CFAP299: variants seen among roughly 807,000 people sequenced by gnomAD.
CFAP299 encodes cilia and flagella associated protein 299, also known as cilia- and flagella-associated protein 299.
Under a neutral mutation model 27.0 loss-of-function variants are expected in CFAP299, and 21 were observed. The ratio of observed to expected loss-of-function variants is 0.78; its 90% CI spans 0.55 to 1.12. The LOEUF (loss-of-function observed/expected upper bound fraction) is 1.12. Ranked by LOEUF, CFAP299 falls within the 50% of genes most tolerant of loss-of-function variation. The pLI, the probability that CFAP299 is intolerant of heterozygous loss-of-function variation, is 0.00. For missense variants in CFAP299, 310 were observed against 276.6 expected, an observed-to-expected ratio of 1.12 and a Z score of -0.86; for synonymous variants, 104 against 98.1, an observed-to-expected ratio of 1.06 and a Z score of -0.36.
chr4:80,958,228 T>C (rs1738165503), intron 5 of CFAP299, among the ~76,000 whole-genome samples: 1 of 152,172 alleles, frequency 6.6e-6, no homozygotes, highest in Non-Finnish European at 1.5e-5. Flanking sequence ...GTAGACCAGA[T>C]TGTACAGAAG....
chr4:80,716,340 T>C (rs1722477959), intron 3 of CFAP299, among the ~76,000 whole-genome samples: 1 of 151,332 alleles, frequency 6.6e-6, no homozygotes, highest in Non-Finnish European at 1.5e-5. Context: ...ATCTATTGCC[T>C]GATAGCAAGT....
intron 3 of CFAP299, among the ~76,000 whole-genome samples, chr4:80,802,276 A>G (rs1728651192): frequency 6.6e-6 from 1 of 152,074 alleles, no homozygotes; most frequent in South Asian, 2.1e-4. Flanking sequence ...GTTTTAGAAT[A>G]CTTAAGTCTT....
intron 2 of CFAP299, among the ~76,000 whole-genome samples, chr4:80,470,250 A>G (rs974003477): frequency 2.0e-5 from 3 of 152,194 alleles, no homozygotes; most frequent in Non-Finnish European, 4.4e-5. Flanking sequence ...AATGCTTGGT[A>G]AACACAAAGC....
Position 80,404,026 on chromosome 4 carries a change from T to C in CFAP299, c.242+41142T>C, listed in dbSNP as rs137928953. Among the ~76,000 whole-genome samples, 32 of 152,272 alleles carry C rather than the reference T, an allele frequency of 2.1e-4. No individual in the cohort carries two copies. The East Asian group carries it at 5.6e-3, about 27-fold the overall frequency. Reference sequence around the variant, plus strand: ...TACGTATGATACCCGTGGCCTAGCCTAAGAAGTAAATGATTTAAATTATGC... The same window carrying C: ...TACGTATGATACCCGTGGCCTAGCCCAAGAAGTAAATGATTTAAATTATGC... On this transcript the variant is annotated intron_variant, in intron 2 of 5. Coordinates refer to ENST00000358105, the MANE Select transcript of CFAP299 (RefSeq NM_152770.3).
the CFAP299 span, among the ~76,000 whole-genome samples, chr4:80,327,158 G>C: frequency 6.6e-6 from 1 of 152,134 alleles, no homozygotes; most frequent in African/African-American, 2.4e-5. Flanking sequence ...TGGCCTGGGA[G>C]TTTAGTATAT....
intron 4 of CFAP299, among the ~76,000 whole-genome samples, chr4:80,880,619 G>C (rs1733644965): frequency 6.6e-6 from 1 of 152,050 alleles, no homozygotes. Flanking sequence ...TCAGCTACTT[G>C]GGAGGCTGAG....
At chr4:80,817,282 G>T (rs1454904762) in intron 3 of CFAP299, among the ~76,000 whole-genome samples, 1 of 151,674 alleles carries the variant, frequency 6.6e-6, no homozygotes, top group African/African-American at 2.4e-5. Context: ...TATATATTAA[G>T]AATATATTAC....
intron 2 of CFAP299, among the ~76,000 whole-genome samples, chr4:80,383,215 A>G (rs1366406298): frequency 6.6e-6 from 1 of 152,108 alleles, no homozygotes; most frequent in Non-Finnish European, 1.5e-5. Flanking sequence ...AGGAACAACA[A>G]CAACAAAATA....
intron 2 of CFAP299, among the ~76,000 whole-genome samples, chr4:80,537,338 A>C (rs1035611782): frequency 4.6e-5 from 7 of 152,124 alleles, no homozygotes; most frequent in Non-Finnish European, 8.8e-5. Context: ...CACTTCTGGG[A>C]ATATGTCCAA....
intron 4 of CFAP299, chr4:80,871,632 C>A: frequency 4.1e-6 from 4 of 982,026 alleles, no homozygotes; most frequent in Non-Finnish European, 4.8e-6. Flanking sequence ...TTTTTCATCA[C>A]CACCTTTATA....
chr4:80,911,487 G>A (rs1225443940), intron 4 of CFAP299, among the ~76,000 whole-genome samples: 3 of 152,004 alleles, frequency 2.0e-5, no homozygotes, highest in Non-Finnish European at 4.4e-5. Context: ...TGATAGACTT[G>A]GAACCAGGTA....
At chr4:80,452,799 C>T (rs1728963748) in intron 2 of CFAP299, among the ~76,000 whole-genome samples, 1 of 152,130 alleles carries the variant, frequency 6.6e-6, no homozygotes, top group Non-Finnish European at 1.5e-5. Flanking sequence ...ATGAAAACAT[C>T]CGTCCGCATT....
chr4:80,728,687 C>A (rs1341278477), intron 3 of CFAP299, among the ~76,000 whole-genome samples: 2 of 152,146 alleles, frequency 1.3e-5, no homozygotes, highest in African/African-American at 4.8e-5. Context: ...GTTATATTTT[C>A]TCACTGTCTT....
chr4:80,394,555 A>C (rs1271334548), intron 2 of CFAP299, among the ~76,000 whole-genome samples: 1 of 152,052 alleles, frequency 6.6e-6, no homozygotes, highest in Admixed American at 6.6e-5. Flanking sequence ...TTGCAGTTTC[A>C]GTTTCTTACG....
Position 80,923,747 on chromosome 4 carries a change from T to A in CFAP299, c.477-21063T>A, listed in dbSNP as rs556930671. On this transcript the variant is annotated intron_variant, in intron 4 of 5. Transcript: ENST00000358105. ...CTTTCCTTGGTTGAAGTATCAGGAC[T>A]CCTAGAAATCATGGACCTCATTTGA... Among the ~76,000 whole-genome samples, 42 of 152,136 alleles carry A rather than the reference T, an allele frequency of 2.8e-4. 1 individual carries two copies. The South Asian group carries it at 8.7e-3, about 32-fold the overall frequency.
chr4:80,364,089 A>AACACACACACCCACACCCACACACAC (rs371907109), intron 2 of CFAP299, among the ~76,000 whole-genome samples: 2 of 110,844 alleles, frequency 1.8e-5, no homozygotes, highest in African/African-American at 7.7e-5. Context: ...TCCGTCTCAA[A>AACACACACACCCACACCCACACACAC]ACACACACAC....
At chr4:80,533,240 A>G (rs1244016802) in intron 2 of CFAP299, among the ~76,000 whole-genome samples, 1 of 152,222 alleles carries the variant, frequency 6.6e-6, no homozygotes, top group African/African-American at 2.4e-5. Flanking sequence ...TTTCATTTGC[A>G]TAATAGTAGC....
chr4:80,615,699 G>A (rs931809788), intron 3 of CFAP299, among the ~76,000 whole-genome samples: 7 of 152,002 alleles, frequency 4.6e-5, no homozygotes, highest in East Asian at 3.9e-4. Context: ...ACCATGCCCT[G>A]CTTAGGCATA....
At chr4:80,810,872 C>T (rs1159617345) in intron 3 of CFAP299, among the ~76,000 whole-genome samples, 1 of 152,098 alleles carries the variant, frequency 6.6e-6, no homozygotes, top group Non-Finnish European at 1.5e-5. Context: ...CTGATTAAAT[C>T]ACTCCAGCCT....
Sources: gnomAD v4.1 joint callset for allele counts (sites outside exome capture counted in the v4.1 genomes callset) on GRCh38, gnomAD v4.1.1 for gene constraint, MANE v1.5 for transcripts, NCBI Gene and HGNC (gene_info 2026-07-23, HGNC 2026-07-21) for gene names.